DMD: variants seen among roughly 807,000 people sequenced by gnomAD.
DMD encodes dystrophin.
Under a neutral mutation model 330.1 loss-of-function variants are expected in DMD, and 63 were observed. The observed-to-expected ratio is 0.19, with a 90% CI of 0.16 to 0.24. The LOEUF is 0.24. Among genes scored for constraint, DMD ranks in the 10% least tolerant of loss-of-function variants. DMD has a pLI of 1.00. For synonymous variants in DMD, 1,223 were observed against 959.8 expected, an observed-to-expected ratio of 1.27 and a Z score of -5.07; for missense variants, 3,344 against 2,684.1, an observed-to-expected ratio of 1.25 and a Z score of -5.43.
At chrX:31,759,752 G>A (rs934121386) in intron 51 of DMD, among the ~76,000 whole-genome samples, 5 of 111,754 alleles carry the variant, frequency 4.5e-5, no homozygotes, top group African/African-American at 1.3e-4. Context: ...CTTTCCCTCA[G>A]ACAGTTGCTC....
intron 29 of DMD, among the ~76,000 whole-genome samples, chrX:32,431,989 G>A (rs2098240244): frequency 9.0e-6 from 1 of 111,314 alleles, no homozygotes; most frequent in African/African-American, 3.3e-5. Flanking sequence ...ACTAATGCTA[G>A]GACGCTCCTA....
intron 43 of DMD, among the ~76,000 whole-genome samples, chrX:32,248,489 A>C (rs1016689362): frequency 5.4e-5 from 6 of 110,612 alleles, no homozygotes; most frequent in Non-Finnish European, 1.1e-4. Context: ...ACAATTAGTG[A>C]CTCAAATTAT....
intron 45 of DMD, among the ~76,000 whole-genome samples, chrX:31,934,108 C>T: frequency 9.0e-6 from 1 of 111,216 alleles, no homozygotes; most frequent in East Asian, 2.8e-4. Context: ...AGCATGTAAG[C>T]CAAGGATTAT....
intron 29 of DMD, chrX:32,412,255 T>C (rs780508316): frequency 1.2e-5 from 12 of 992,233 alleles, no homozygotes; most frequent in Non-Finnish European, 1.6e-5. Flanking sequence ...GATCTCATTA[T>C]ATAGTTCAAG....
chrX:33,153,228 T>C (rs774936300), intron 1 of DMD, among the ~76,000 whole-genome samples: 28 of 112,508 alleles, frequency 2.5e-4, no homozygotes, highest in Non-Finnish European at 4.1e-4. Flanking sequence ...CTGACCAACA[T>C]GGAGAAACCC....
intron 2 of DMD, among the ~76,000 whole-genome samples, chrX:32,874,938 G>C (rs903083781): frequency 9.0e-6 from 1 of 111,612 alleles, no homozygotes; most frequent in East Asian, 2.8e-4. Flanking sequence ...GAACCCTCCA[G>C]ACCAGCACAT....
At chrX:32,859,510 CAA>C (rs1491159405) in intron 2 of DMD, among the ~76,000 whole-genome samples, 9 of 90,094 alleles carry the variant, frequency 1.0e-4, no homozygotes, top group Admixed American at 3.7e-4. Flanking sequence ...CACACACACA[CAA>C]GTTAAAGTCT....
chrX:31,668,048 A>G (rs1210650812), intron 53 of DMD, among the ~76,000 whole-genome samples: 1 of 111,918 alleles, frequency 8.9e-6, no homozygotes, highest in Non-Finnish European at 1.9e-5. Context: ...TCATGTGCTT[A>G]TGGAGATCTA....
intron 1 of DMD, among the ~76,000 whole-genome samples, chrX:33,137,162 C>T (rs2095532476): frequency 9.0e-6 from 1 of 110,968 alleles, no homozygotes; most frequent in Non-Finnish European, 1.9e-5. Context: ...TCAATGCCAT[C>T]TTTCGGGGCT....
At chrX:31,990,667 C>T (rs773480577) in intron 44 of DMD, among the ~76,000 whole-genome samples, 1 of 112,174 alleles carries the variant, frequency 8.9e-6, no homozygotes, top group African/African-American at 3.2e-5. Context: ...TCATGCGGTA[C>T]AGTTTTAACA....
chrX:32,504,392 C>T (rs937334140), intron 18 of DMD, among the ~76,000 whole-genome samples: 13 of 110,803 alleles, frequency 1.2e-4, no homozygotes, highest in African/African-American at 3.3e-4. Context: ...GGGGGGCCAA[C>T]GCGGGTGGAT....
At chrX:32,114,925 T>C (rs2096603965) in intron 44 of DMD, among the ~76,000 whole-genome samples, 1 of 112,282 alleles carries the variant, frequency 8.9e-6, no homozygotes, top group Non-Finnish European at 1.9e-5. Flanking sequence ...AGTGAAAATG[T>C]CTTTTATCAA....
intron 1 of DMD, among the ~76,000 whole-genome samples, chrX:33,201,298 A>G (rs144185718): frequency 0.012 from 1,342 of 110,947 alleles, 22 homozygotes; most frequent in African/African-American, 0.042. Flanking sequence ...TTTGCCTCCC[A>G]CCCTCATTTA....
intron 54 of DMD, among the ~76,000 whole-genome samples, chrX:31,640,132 C>T (rs1474620207): frequency 9.0e-6 from 1 of 111,634 alleles, no homozygotes; most frequent in Non-Finnish European, 1.9e-5. Flanking sequence ...AAACAGCCAG[C>T]CCTTGAGTCA....
At chrX:32,939,727 T>C (rs1362557365) in intron 2 of DMD, among the ~76,000 whole-genome samples, 1 of 111,176 alleles carries the variant, frequency 9.0e-6, no homozygotes, top group East Asian at 2.8e-4. Context: ...AAAATCAATA[T>C]ACAAAAATCA....
chrX:32,172,995 T>C lies in DMD; in HGVS notation c.6438+43921A>G, dbSNP rs1293485687. On this transcript the variant is annotated intron_variant, in intron 44 of 78. Coordinates refer to ENST00000357033, the MANE Select transcript of DMD (RefSeq NM_004006.3). ...TTTGTTGCAGTATAGGATTTTGTTT[T>C]AAGGACATTAACTGCTCAATTAAAA... Among the ~76,000 whole-genome samples, 128 of 110,233 alleles carry C rather than the reference T, an allele frequency of 1.2e-3. 8 individuals are homozygous for C. Among genetic ancestry groups the C allele is most frequent in the Non-Finnish European group, 9.5e-5 (5 of 52,868 alleles).
intron 74 of DMD, among the ~76,000 whole-genome samples, chrX:31,157,743 T>A (rs2148047552): frequency 9.0e-6 from 1 of 110,833 alleles, no homozygotes; most frequent in Non-Finnish European, 1.9e-5. Flanking sequence ...TGCTATATAC[T>A]CTTGCCATAT....
chrX:33,181,963 T>G (rs1216067270), intron 1 of DMD, among the ~76,000 whole-genome samples: 1 of 111,977 alleles, frequency 8.9e-6, no homozygotes, highest in Non-Finnish European at 1.9e-5. Flanking sequence ...TGGCCAAGTA[T>G]TTTTCCACCT....
chrX:31,424,848 C>T (rs10521968), intron 60 of DMD, among the ~76,000 whole-genome samples: 4,816 of 111,882 alleles, frequency 0.043, 248 homozygotes, highest in African/African-American at 0.15. Context: ...CAACGTTTAA[C>T]GAAGTATTTG....
Sources: gnomAD v4.1 joint callset for allele counts (sites outside exome capture counted in the v4.1 genomes callset) on GRCh38, gnomAD v4.1.1 for gene constraint, MANE v1.5 for transcripts, NCBI Gene and HGNC (gene_info 2026-07-23, HGNC 2026-07-21) for gene names.